The following LAMA3 variants were observed in gnomAD, a reference collection of about 807,000 sequenced individuals.
The protein encoded by LAMA3 is laminin subunit alpha 3.
A neutral mutation model predicts 402.0 loss-of-function variants in LAMA3; 281 were observed. The ratio of observed to expected loss-of-function variants is 0.70; its 90% CI spans 0.63 to 0.77. The LOEUF is 0.77. LAMA3 is among the 30% of genes least tolerant of loss of function. The probability of loss-of-function intolerance (pLI) is 0.00; values close to 1 mark genes in which losing one functional copy is unlikely to be tolerated. For missense variants in LAMA3, 3,840 were observed against 4,215.5 expected, an observed-to-expected ratio of 0.91 and a Z score of 2.47; for synonymous variants, 1,431 against 1,558.4, an observed-to-expected ratio of 0.92 and a Z score of 1.93.
chr18:23,890,047 C>G lies in LAMA3; in HGVS notation c.5340C>G (p.Phe1780Leu). The part of the protein sequence containing the change: ...APGYFGNPQK[F>L]GGSCQPCSCN... Reference sequence around the variant, plus strand: ...GATATTTCGGGAATCCCCAGAAATTCGGAGGTAGCTGCCAACCATGCAGTT... The same window carrying G: ...GATATTTCGGGAATCCCCAGAAATTGGGAGGTAGCTGCCAACCATGCAGTT... The change falls in exon 42 of 75, where the codon TTC becomes TTG. Residue 1780 changes from phenylalanine to leucine, a missense_variant. Phe to Leu is a conservative substitution (Grantham distance 22). Transcript: ENST00000313654. 6.2e-7 allele frequency: 1 copy of G among 1,614,122 alleles called. No homozygotes were observed. The highest frequency in any genetic ancestry group is 8.5e-7 in the Non-Finnish European group (1 of 1,179,970).
intron 62 of LAMA3, among the ~76,000 whole-genome samples, chr18:23,926,959 A>G (rs776904466): frequency 1.3e-5 from 2 of 152,218 alleles, no homozygotes; most frequent in Admixed American, 6.5e-5. Context: ...TGACAGCCCT[A>G]TGAAACAGAT....
intron 2 of LAMA3, among the ~76,000 whole-genome samples, chr18:23,718,786 C>T (rs1241893372): frequency 6.6e-6 from 1 of 152,230 alleles, no homozygotes; most frequent in Admixed American, 6.5e-5. Flanking sequence ...CTTGTCCCAT[C>T]TCAAGGGCCT....
chr18:23,695,271 T>C (rs970132961), intron 1 of LAMA3, among the ~76,000 whole-genome samples: 3 of 152,268 alleles, frequency 2.0e-5, no homozygotes, highest in African/African-American at 7.2e-5. Flanking sequence ...TGTGCTACTT[T>C]GTATGGCAGC....
intron 49 of LAMA3, 149 bp downstream of exon 49, chr18:23,903,274 C>G: frequency 1.6e-6 from 1 of 637,340 alleles, no homozygotes; most frequent in South Asian, 1.9e-5. Flanking sequence ...AACAATAGTT[C>G]TCTCTTGCAA....
chr18:23,690,368 C>A (rs2060560254), intron 1 of LAMA3, among the ~76,000 whole-genome samples: 1 of 152,236 alleles, frequency 6.6e-6, no homozygotes, highest in Non-Finnish European at 1.5e-5. Flanking sequence ...ACCTCCCGGG[C>A]CTTATTCGGA....
At chr18:23,950,507 T>C (rs1388857051) in intron 72 of LAMA3, among the ~76,000 whole-genome samples, 1 of 152,208 alleles carries the variant, frequency 6.6e-6, no homozygotes, top group Non-Finnish European at 1.5e-5. Flanking sequence ...GAAATCGCCA[T>C]ATACTCAATT....
chr18:23,712,379 CAAAA>C (rs71163637), intron 1 of LAMA3, among the ~76,000 whole-genome samples: 3 of 103,664 alleles, frequency 2.9e-5, no homozygotes, highest in Non-Finnish European at 3.8e-5. Flanking sequence ...AACTCCGTCT[CAAAA>C]AAAAAAAAAA....
Position 23,842,507 on chromosome 18 carries a change from G to T in LAMA3, c.3449G>T (p.Gly1150Val), listed in dbSNP as rs1246897593. The T allele has an allele frequency of 1.2e-6, 2 of 1,614,070 alleles. No homozygotes were observed. Among genetic ancestry groups the T allele is most frequent in the South Asian group, 2.2e-5 (2 of 91,084 alleles). The part of the protein sequence containing the change: ...TFPAQVSVDG[G>V]WPRAGSFHAS... The stretch of plus-strand genomic sequence containing the variant: ...CCCGCGCAGGTGTCGGTGGATGGCG[G>T]GTGGCCACGGGCAGGTGAGCTGCAG... Residue 1150 changes from glycine to valine, a missense_variant, in exon 28 of 75, where the codon GGG becomes GTG. Coordinates refer to ENST00000313654, the MANE Select transcript of LAMA3 (RefSeq NM_198129.4).
Position 23,813,145 on chromosome 18 carries a change from T to TTAA in LAMA3, c.1788+44_1788+45insATA, listed in dbSNP as rs765182649. On this transcript the variant is annotated intron_variant, in intron 14 of 74. Coordinates refer to ENST00000313654, the MANE Select transcript of LAMA3 (RefSeq NM_198129.4). ...AGGGTTGCAATTCTAACTATCTCTA[T>TTAA]TATTCTCATGCATATTAAGGACTAA... The TTAA allele has an allele frequency of 5.3e-6, 7 of 1,331,484 alleles. No homozygotes were observed. In the East Asian group the frequency reaches 1.6e-4, roughly 31 times the overall value. 82.5% of individuals were successfully genotyped at this position (1,331,484 alleles called of 1,614,324 possible).
intron 2 of LAMA3, among the ~76,000 whole-genome samples, chr18:23,725,145 T>A (rs1280184246): frequency 2.0e-5 from 3 of 152,082 alleles, no homozygotes; most frequent in Non-Finnish European, 4.4e-5. Context: ...AGTCTTGCTT[T>A]GTCACCCAGG....
intron 13 of LAMA3, among the ~76,000 whole-genome samples, chr18:23,810,801 T>C (rs930861376): frequency 1.3e-5 from 2 of 152,178 alleles, no homozygotes; most frequent in Non-Finnish European, 2.9e-5. Context: ...GTGGATAGCA[T>C]TGTGGCATAG....
intron 30 of LAMA3, 152 bp from the exon 31 acceptor site, chr18:23,846,145 T>A: frequency 1.2e-6 from 1 of 820,200 alleles, no homozygotes; most frequent in South Asian, 1.4e-5. Flanking sequence ...CGGCTGAGTC[T>A]GAGGTGGGGT....
At chr18:23,709,764 T>G in intron 1 of LAMA3, 14 of 562,540 alleles carry the variant, frequency 2.5e-5, no homozygotes, top group Non-Finnish European at 4.0e-5. Flanking sequence ...ACAAGTTTGA[T>G]TGTCTTTTCT....
At chr18:23,702,887 CTT>C (rs1409514312) in intron 1 of LAMA3, among the ~76,000 whole-genome samples, 1 of 152,230 alleles carries the variant, frequency 6.6e-6, no homozygotes, top group Non-Finnish European at 1.5e-5. Context: ...TGCTCCACCT[CTT>C]TGTGTCTGTT....
At chr18:23,771,150 C>A (rs756667058) in intron 8 of LAMA3, among the ~76,000 whole-genome samples, 1 of 152,162 alleles carries the variant, frequency 6.6e-6, no homozygotes, top group Non-Finnish European at 1.5e-5. Context: ...CTAGAAATAG[C>A]CCAGGTGACC....
At position 23,839,348 on chromosome 18, in the gene LAMA3, A is replaced by C. The variant is rs1168165824; in HGVS notation, c.3192-437A>C. On this transcript the variant is annotated intron_variant, in intron 26 of 74. Coordinates refer to ENST00000313654, the MANE Select transcript of LAMA3 (RefSeq NM_198129.4). The surrounding 1 kb of genome is among the most constrained non-coding windows in gnomAD (Gnocchi z 4.5). ...GGCATGGTCATGAAATCTGGTGTGC[A>C]TAGTTAGGACTGTAGGAACTACCAA... is the stretch of plus-strand genomic sequence containing the variant. Among the ~76,000 whole-genome samples, 1 of 152,204 alleles carries C rather than the reference A, an allele frequency of 6.6e-6. No homozygotes were observed. Among genetic ancestry groups the C allele is most frequent in the Non-Finnish European group, 1.5e-5 (1 of 68,036 alleles).
At chr18:23,745,503 C>T (rs1307120351) in intron 2 of LAMA3, among the ~76,000 whole-genome samples, 1 of 152,118 alleles carries the variant, frequency 6.6e-6, no homozygotes, top group Non-Finnish European at 1.5e-5. Context: ...ACTTCTTCCC[C>T]CCAAGATGAA....
At chr18:23,943,755 T>C (rs749170732) in intron 68 of LAMA3, 33 bp from the exon 69 acceptor site, 2 of 1,607,184 alleles carry the variant, frequency 1.2e-6, no homozygotes, top group South Asian at 1.1e-5. Context: ...GCTGAACACC[T>C]CTATTTCCCT....
At chr18:23,695,222 G>A (rs1290593102) in intron 1 of LAMA3, among the ~76,000 whole-genome samples, 2 of 152,148 alleles carry the variant, frequency 1.3e-5, no homozygotes, top group African/African-American at 4.8e-5. Context: ...CCTCCAGCAT[G>A]GTGAGAGAGA....
Sources: gnomAD v4.1 joint callset for allele counts (sites outside exome capture counted in the v4.1 genomes callset) on GRCh38, gnomAD v4.1.1 for gene constraint, Gnocchi (gnomAD v3.1) non-coding constraint, MANE v1.5 for transcripts, NCBI Gene and HGNC (gene_info 2026-07-23, HGNC 2026-07-21) for gene names.